The following ARHGAP24 variants were observed in gnomAD, a reference collection of about 807,000 sequenced individuals.
ARHGAP24 encodes the protein rho GTPase-activating protein 24.
A neutral mutation model predicts 76.4 loss-of-function variants in ARHGAP24; 50 were observed. The observed-to-expected ratio is 0.65, with a 90% CI of 0.52 to 0.83. The LOEUF is 0.83. Ranked by LOEUF, ARHGAP24 falls within the 40% of genes least tolerant of loss-of-function variation. The probability of loss-of-function intolerance (pLI) is 0.00; values close to 1 mark genes in which losing one functional copy is unlikely to be tolerated. For synonymous variants in ARHGAP24, 345 were observed against 323.3 expected, an observed-to-expected ratio of 1.07 and a Z score of -0.72; for missense variants, 930 against 914.2, an observed-to-expected ratio of 1.02 and a Z score of -0.22.
At chr4:85,831,015 T>C (rs1729968393) in intron 3 of ARHGAP24, among the ~76,000 whole-genome samples, 1 of 152,230 alleles carries the variant, frequency 6.6e-6, no homozygotes. Context: ...CCTGTCATTC[T>C]TGGCCCCTGC....
At chr4:85,772,147 G>T (rs1727154766) in intron 3 of ARHGAP24, among the ~76,000 whole-genome samples, 1 of 152,214 alleles carries the variant, frequency 6.6e-6, no homozygotes, top group South Asian at 2.1e-4. Flanking sequence ...CCTGACTTAG[G>T]AGCTAGTTGC....
intron 3 of ARHGAP24, among the ~76,000 whole-genome samples, chr4:85,752,230 C>A (rs1318058390): frequency 6.6e-6 from 1 of 152,116 alleles, no homozygotes; most frequent in Non-Finnish European, 1.5e-5. Context: ...GTAATTCAGG[C>A]CCATTCGGTG....
chr4:85,654,139 A>G (rs1722047457), intron 2 of ARHGAP24, among the ~76,000 whole-genome samples: 1 of 152,174 alleles, frequency 6.6e-6, no homozygotes, highest in South Asian at 2.1e-4. Context: ...TTTATTTCTC[A>G]TAGTTCTGGA....
intron 5 of ARHGAP24, among the ~76,000 whole-genome samples, chr4:85,951,475 T>C (rs1387374096): frequency 1.3e-5 from 2 of 152,288 alleles, no homozygotes; most frequent in East Asian, 3.9e-4. Flanking sequence ...TCACCCAGGT[T>C]CTTTAATCCT....
chr4:85,667,874 A>G (rs1169273583), intron 2 of ARHGAP24, among the ~76,000 whole-genome samples: 1 of 152,134 alleles, frequency 6.6e-6, no homozygotes, highest in Non-Finnish European at 1.5e-5. Context: ...TTTTTTTCTC[A>G]TTGATGTCAA....
At chr4:85,769,600 G>T (rs944436292) in intron 3 of ARHGAP24, among the ~76,000 whole-genome samples, 1 of 151,522 alleles carries the variant, frequency 6.6e-6, no homozygotes, top group African/African-American at 2.4e-5. Context: ...ACAGTAAATT[G>T]TTAGTAGTGG....
chr4:85,953,423 G>C (rs992002148), intron 5 of ARHGAP24, among the ~76,000 whole-genome samples: 6 of 152,172 alleles, frequency 3.9e-5, no homozygotes, highest in Admixed American at 6.5e-5. Context: ...CCTCTGGGAA[G>C]GAATTTAGGT....
intron 1 of ARHGAP24, among the ~76,000 whole-genome samples, chr4:85,548,268 C>G (rs1198489666): frequency 6.6e-6 from 1 of 152,180 alleles, no homozygotes; most frequent in East Asian, 1.9e-4. Context: ...AGCTTTGCTT[C>G]CATTGAGAAG....
chr4:85,799,989 T>C (rs1728511292), intron 3 of ARHGAP24, among the ~76,000 whole-genome samples: 1 of 152,166 alleles, frequency 6.6e-6, no homozygotes, highest in South Asian at 2.1e-4. Flanking sequence ...TTGTCACAGA[T>C]TGGAGAAGAC....
intron 2 of ARHGAP24, among the ~76,000 whole-genome samples, chr4:85,585,762 G>A (rs1727829690): frequency 6.6e-6 from 1 of 152,162 alleles, no homozygotes; most frequent in South Asian, 2.1e-4. Context: ...TGTTTTACTG[G>A]TGGCTTACAG....
At chr4:85,800,598 AAAG>A (rs369479782) in intron 3 of ARHGAP24, among the ~76,000 whole-genome samples, 19 of 151,910 alleles carry the variant, frequency 1.3e-4, no homozygotes, top group African/African-American at 3.6e-4. Context: ...AAAGAAGAAA[AAAG>A]AGGAGGAGGA....
intron 2 of ARHGAP24, among the ~76,000 whole-genome samples, chr4:85,708,144 C>A (rs1052899898): frequency 9.9e-5 from 15 of 152,098 alleles, no homozygotes; most frequent in African/African-American, 3.6e-4. Flanking sequence ...GTTTATTCTT[C>A]AGCATATGTT....
At chr4:85,768,914 G>A (rs1189545237) in intron 3 of ARHGAP24, among the ~76,000 whole-genome samples, 1 of 152,120 alleles carries the variant, frequency 6.6e-6, no homozygotes. Context: ...CTTAGTCTCA[G>A]ATAAGGTAAA....
chr4:85,523,426 TC>T (rs372984484), intron 1 of ARHGAP24, among the ~76,000 whole-genome samples: 482 of 152,228 alleles, frequency 3.2e-3, no homozygotes, highest in African/African-American at 0.011. Context: ...AGAAGGTAGA[TC>T]AATTTTAGAT....
rs140043891 is a variant in ARHGAP24, at chr4:85,676,950, G to A, written c.181-44935G>A. 7.7e-4 allele frequency among the ~76,000 whole-genome samples: 118 copies of A among 152,296 alleles called. 1 individual carries two copies. The highest frequency in any genetic ancestry group is 2.7e-3 in the African/African-American group (111 of 41,570). ...TGAGAAGTGGCAGCACATGAAACAA[G>A]CAAGCAGAGCCACTGCCTTCCTGAG... On this transcript the variant is annotated intron_variant, in intron 2 of 9. Coordinates refer to ENST00000395184, the MANE Select transcript of ARHGAP24 (RefSeq NM_001025616.3).
chr4:85,937,403 G>A (rs996219453), intron 4 of ARHGAP24, among the ~76,000 whole-genome samples: 1 of 152,168 alleles, frequency 6.6e-6, no homozygotes. Flanking sequence ...AAAATATTGA[G>A]CTATCCATAT....
chr4:85,554,668 A>T (rs1343171669), intron 1 of ARHGAP24, among the ~76,000 whole-genome samples: 1 of 151,144 alleles, frequency 6.6e-6, no homozygotes. Flanking sequence ...TATTATTATT[A>T]TTTTTTCTTC....
chr4:85,737,493 A>G (rs1437898881), intron 3 of ARHGAP24, among the ~76,000 whole-genome samples: 3 of 152,202 alleles, frequency 2.0e-5, no homozygotes, highest in Non-Finnish European at 4.4e-5. Context: ...ATGGTCACTG[A>G]CTTAATTACA....
intron 2 of ARHGAP24, among the ~76,000 whole-genome samples, chr4:85,637,769 G>C (rs569723905): frequency 9.5e-4 from 144 of 151,530 alleles, no homozygotes; most frequent in African/African-American, 3.4e-3. Context: ...TATTGATGCA[G>C]CTACTAGATA....
Sources: gnomAD v4.1 joint callset for allele counts (sites outside exome capture counted in the v4.1 genomes callset) on GRCh38, gnomAD v4.1.1 for gene constraint, MANE v1.5 for transcripts, NCBI Gene and HGNC (gene_info 2026-07-23, HGNC 2026-07-21) for gene names.